Variants in CTIF observed in about 807,000 individuals in gnomAD.
The protein encoded by CTIF is CBP80/20-dependent translation initiation factor.
In CTIF, 21 loss-of-function variants were observed where a neutral mutation model predicts 66.0. That is an observed-to-expected ratio of 0.32 (90% CI 0.23 to 0.46). CTIF has a LOEUF of 0.46. Among genes scored for constraint, CTIF ranks in the 20% least tolerant of loss-of-function variants. The probability of loss-of-function intolerance (pLI) is 1.00; values close to 1 mark genes in which losing one functional copy is unlikely to be tolerated. For synonymous variants in CTIF, 345 were observed against 326.4 expected, an observed-to-expected ratio of 1.06 and a Z score of -0.62; for missense variants, 739 against 812.7, an observed-to-expected ratio of 0.91 and a Z score of 1.10.
At chr18:48,540,839 T>A (rs933566129) in intron 1 of CTIF, among the ~76,000 whole-genome samples, 2 of 151,934 alleles carry the variant, frequency 1.3e-5, no homozygotes, top group African/African-American at 2.4e-5. Context: ...CGGGGTCGTG[T>A]GTCCCCGCGC....
At chr18:48,812,449 A>G (rs2068277713) in intron 9 of CTIF, among the ~76,000 whole-genome samples, 1 of 152,212 alleles carries the variant, frequency 6.6e-6, no homozygotes, top group African/African-American at 2.4e-5. Flanking sequence ...AACCTCAAAT[A>G]AAGAAGTATA....
At chr18:48,623,873 ATGGC>A (rs72213221) in intron 2 of CTIF, among the ~76,000 whole-genome samples, 18,570 of 150,988 alleles carry the variant, frequency 0.12, 1,268 homozygotes, top group South Asian at 0.24. Flanking sequence ...GGATGGATGG[ATGGC>A]TGGCTGGCTG....
intron 9 of CTIF, among the ~76,000 whole-genome samples, chr18:48,802,654 T>C (rs979449665): frequency 2.0e-5 from 3 of 152,126 alleles, no homozygotes; most frequent in Non-Finnish European, 4.4e-5. Context: ...TGTAGAGGTA[T>C]GGCGAGACAG....
chr18:48,780,241 C>T (rs1329683510), intron 9 of CTIF, among the ~76,000 whole-genome samples: 2 of 152,166 alleles, frequency 1.3e-5, no homozygotes, highest in Non-Finnish European at 2.9e-5. Flanking sequence ...AAGTGAGGAC[C>T]CTGGGGTGTG....
chr18:48,621,618 C>A (rs967077660), intron 2 of CTIF: 4 of 343,032 alleles, frequency 1.2e-5, no homozygotes, highest in African/African-American at 6.9e-5. Flanking sequence ...GGGGAGACTG[C>A]CTTGCGGGCC....
chr18:48,669,131 A>G (rs2091482176), intron 5 of CTIF, among the ~76,000 whole-genome samples: 1 of 151,620 alleles, frequency 6.6e-6, no homozygotes, highest in South Asian at 2.1e-4. Context: ...CAGCCCTGTT[A>G]GAGGAGTTTA....
At chr18:48,566,032 T>C (rs1568036091) in intron 1 of CTIF, 1 of 152,162 alleles carries the variant, frequency 6.6e-6, no homozygotes, top group Non-Finnish European at 1.5e-5. Context: ...CACCCTTCAC[T>C]CAGGGATGCT....
intron 9 of CTIF, among the ~76,000 whole-genome samples, chr18:48,772,123 C>T (rs903040935): frequency 2.0e-5 from 3 of 152,184 alleles, no homozygotes; most frequent in African/African-American, 7.2e-5. Context: ...ATCTGAGGTC[C>T]TCCTCTGGAA....
intron 2 of CTIF, among the ~76,000 whole-genome samples, chr18:48,630,884 A>G (rs1394934842): frequency 4.6e-5 from 7 of 151,858 alleles, no homozygotes; most frequent in Admixed American, 3.3e-4. Flanking sequence ...TCACCGTGTT[A>G]GCCAGGATGG....
intron 7 of CTIF, among the ~76,000 whole-genome samples, chr18:48,744,697 AC>A (rs1204133345): frequency 6.6e-6 from 1 of 152,234 alleles, no homozygotes; most frequent in East Asian, 1.9e-4. Flanking sequence ...TGATATAGAT[AC>A]GATACTGTAA....
chr18:48,707,752 A>G (rs2092176523), intron 6 of CTIF, among the ~76,000 whole-genome samples: 1 of 152,188 alleles, frequency 6.6e-6, no homozygotes, highest in Non-Finnish European at 1.5e-5. Context: ...ACCCTCTCAT[A>G]GTATACAGCT....
chr18:48,707,445 GATA>G (rs919899867), intron 6 of CTIF, among the ~76,000 whole-genome samples: 1 of 152,180 alleles, frequency 6.6e-6, no homozygotes, highest in African/African-American at 2.4e-5. Flanking sequence ...CATCTTAACA[GATA>G]ATGTTTTAGG....
intron 3 of CTIF, among the ~76,000 whole-genome samples, chr18:48,646,869 T>TA (rs1405842826): frequency 2.4e-5 from 3 of 126,442 alleles, no homozygotes; most frequent in African/African-American, 8.9e-5. Context: ...TGTAGAATGG[T>TA]ATAGCCATTC....
At chr18:48,564,873 C>G (rs1235196103) in intron 1 of CTIF, 4 of 152,110 alleles carry the variant, frequency 2.6e-5, no homozygotes, top group African/African-American at 7.2e-5. Flanking sequence ...CCTGCCTCAG[C>G]CTCCCAAAGT....
At chr18:48,840,041 C>G (rs1347504428) in intron 10 of CTIF, among the ~76,000 whole-genome samples, 1 of 152,178 alleles carries the variant, frequency 6.6e-6, no homozygotes, top group Non-Finnish European at 1.5e-5. Flanking sequence ...GCAACAGTTG[C>G]TCCCAGGCTG....
Position 48,644,445 on chromosome 18 carries a change from A to C in CTIF, c.252+7760A>C, listed in dbSNP as rs73956997. Among the ~76,000 whole-genome samples the C allele has an allele frequency of 7.0e-3, 1,070 of 152,294 alleles. 11 individuals carry two copies. Among genetic ancestry groups the C allele is most frequent in the African/African-American group, 0.025 (1,026 of 41,556 alleles). On this transcript the variant is annotated intron_variant, in intron 3 of 11. Transcript: ENST00000256413. ...AGAAGTGTGCGCTGTGATTCCCCTT[A>C]ACATTCCTCCCAGAAACAAACATGG...
At chr18:48,728,483 G>A (rs2092405447) in intron 7 of CTIF, among the ~76,000 whole-genome samples, 1 of 152,202 alleles carries the variant, frequency 6.6e-6, no homozygotes, top group South Asian at 2.1e-4. Flanking sequence ...CAAGCATCCA[G>A]AAGCTATATA....
chr18:48,830,741 C>T (rs1309549039), intron 10 of CTIF, among the ~76,000 whole-genome samples: 12 of 118,390 alleles, frequency 1.0e-4, no homozygotes, highest in Non-Finnish European at 1.4e-4. Context: ...GACCCCCCCC[C>T]GACCACGCCC....
At chr18:48,647,966 G>C (rs984856747) in intron 3 of CTIF, among the ~76,000 whole-genome samples, 8 of 152,198 alleles carry the variant, frequency 5.3e-5, no homozygotes, top group Non-Finnish European at 8.8e-5. Flanking sequence ...GTTGGAATGG[G>C]GGGTGTTGAT....
Sources: gnomAD v4.1 joint callset for allele counts (sites outside exome capture counted in the v4.1 genomes callset) on GRCh38, gnomAD v4.1.1 for gene constraint, MANE v1.5 for transcripts, NCBI Gene and HGNC (gene_info 2026-07-23, HGNC 2026-07-21) for gene names.